Variants in CLDN16 observed in about 807,000 individuals in gnomAD.
The protein encoded by CLDN16 is claudin 16.
Under a neutral mutation model 24.6 loss-of-function variants are expected in CLDN16, and 13 were observed. The ratio of observed to expected loss-of-function variants is 0.53; its 90% confidence interval spans 0.34 to 0.84. The LOEUF (loss-of-function observed/expected upper bound fraction) is 0.84, where lower values mean the gene tolerates loss of function less well. Among genes scored for constraint, CLDN16 ranks in the 40% least tolerant of loss-of-function variants. The pLI, the probability that CLDN16 is intolerant of heterozygous loss-of-function variation, is 0.01. For missense variants in CLDN16, 298 were observed against 292.7 expected (o/e 1.02, Z -0.13); for synonymous variants, 116 against 106.7 (o/e 1.09, Z -0.54).
rs969384621 is a variant in CLDN16, at chr3:190,410,990, C to A, written c.*954C>A. 1 of 152,120 alleles carries A rather than the reference C, an allele frequency of 6.6e-6. No homozygotes were observed. Among genetic ancestry groups the A allele is most frequent in the African/African-American group, 2.4e-5 (1 of 41,432 alleles). The allele number at this position is 152,120 out of a possible 1,614,324, so 9.4% of individuals were successfully genotyped here. On this transcript the variant is annotated 3_prime_UTR_variant, in exon 5 of 5. Coordinates refer to ENST00000264734, the MANE Select transcript of CLDN16 (RefSeq NM_006580.4). ...AAAAAATCAATGTTGCGGCTGGGCA[C>A]GGTAGCTCGCGTCTGTAATCCCCGC...
intron 1 of CLDN16, among the ~76,000 whole-genome samples, chr3:190,346,045 G>A (rs1717543635): frequency 6.6e-6 from 1 of 152,102 alleles, no homozygotes; most frequent in South Asian, 2.1e-4. Context: ...ACATTCAGAA[G>A]TGTGATGGAA....
chr3:190,347,781 G>A (rs1344440765), intron 1 of CLDN16, among the ~76,000 whole-genome samples: 1 of 152,184 alleles, frequency 6.6e-6, no homozygotes, highest in Non-Finnish European at 1.5e-5. Context: ...TTTCTCTGAA[G>A]TGGCGACAAG....
the CLDN16 span, among the ~76,000 whole-genome samples, chr3:190,293,954 A>G: frequency 6.6e-6 from 1 of 152,198 alleles, no homozygotes; most frequent in Non-Finnish European, 1.5e-5. Flanking sequence ...AATACTGAGC[A>G]AGTACTGTAT....
the CLDN16 span, among the ~76,000 whole-genome samples, chr3:190,292,905 A>G: frequency 6.6e-6 from 1 of 152,176 alleles, no homozygotes; most frequent in Admixed American, 6.5e-5. Flanking sequence ...AAACTTTCCC[A>G]CATCTTCCTG....
At chr3:190,295,708 C>T in the CLDN16 span, among the ~76,000 whole-genome samples, 2 of 152,166 alleles carry the variant, frequency 1.3e-5, no homozygotes, top group South Asian at 4.2e-4. Flanking sequence ...TTTTTACAGG[C>T]CTCAATCTAA....
At chr3:190,318,125 G>T (rs748385022), upstream of CLDN16, among the ~76,000 whole-genome samples, 1 of 152,062 alleles carries the variant, frequency 6.6e-6, no homozygotes, top group South Asian at 2.1e-4. Flanking sequence ...CCCTCTTATT[G>T]GTGCATGAGG....
At chr3:190,303,781 G>A in the CLDN16 span, among the ~76,000 whole-genome samples, 5 of 152,138 alleles carry the variant, frequency 3.3e-5, no homozygotes, top group East Asian at 7.7e-4. Flanking sequence ...ATTCTTTGGA[G>A]GTAAATTAAA....
rs572628212 is a variant in CLDN16, at chr3:190,351,881, A to G, written n.122-19012A>G. Among the ~76,000 whole-genome samples the G allele has an allele frequency of 8.5e-5, 13 of 152,244 alleles. No individual in the cohort carries two copies. The East Asian group carries it at 2.5e-3, about 29-fold the overall frequency. On this transcript the variant is annotated intron_variant and non_coding_transcript_variant, in intron 1 of 4. Coordinates refer to the CLDN16 transcript ENST00000468220. Reference sequence around the variant, plus strand: ...CCACTGGGAATTATATTCTCTTTTAATTGTGGAAACATTCAAGAGTATTCA... The same window carrying G: ...CCACTGGGAATTATATTCTCTTTTAGTTGTGGAAACATTCAAGAGTATTCA...
At chr3:190,391,505 T>C (rs781287141) in intron 1 of CLDN16, among the ~76,000 whole-genome samples, 10 of 152,212 alleles carry the variant, frequency 6.6e-5, no homozygotes, top group Non-Finnish European at 1.5e-4. Context: ...CGATGATTAC[T>C]TCCTATCAGG....
intron 1 of CLDN16, among the ~76,000 whole-genome samples, chr3:190,399,508 T>A (rs1718908139): frequency 1.4e-5 from 1 of 70,336 alleles, no homozygotes; most frequent in African/African-American, 6.2e-5. Context: ...AGACTCTGCC[T>A]CAAAAAAAAT....
At chr3:190,342,236 G>A (rs1449198351) in intron 1 of CLDN16, among the ~76,000 whole-genome samples, 1 of 152,112 alleles carries the variant, frequency 6.6e-6, no homozygotes, top group East Asian at 1.9e-4. Flanking sequence ...CTGCTGATAA[G>A]GACATACCTG....
chr3:190,405,651 G>A (rs1204450842), intron 3 of CLDN16, among the ~76,000 whole-genome samples: 1 of 152,016 alleles, frequency 6.6e-6, no homozygotes, highest in African/African-American at 2.4e-5. Flanking sequence ...ATTGTGCCAA[G>A]TCCTATGTTA....
At chr3:190,292,817 A>G in the CLDN16 span, among the ~76,000 whole-genome samples, 1 of 152,238 alleles carries the variant, frequency 6.6e-6, no homozygotes, top group African/African-American at 2.4e-5. Flanking sequence ...ATCTGAGACC[A>G]CCTCAGCTTG....
At chr3:190,357,579 T>C (rs1717802329) in intron 1 of CLDN16, among the ~76,000 whole-genome samples, 1 of 151,924 alleles carries the variant, frequency 6.6e-6, no homozygotes, top group South Asian at 2.1e-4. Flanking sequence ...TAAAGTCCAG[T>C]TCCTCAGTAT....
At chr3:190,401,784 T>A (rs1718968592) in intron 1 of CLDN16, among the ~76,000 whole-genome samples, 1 of 152,132 alleles carries the variant, frequency 6.6e-6, no homozygotes, top group Non-Finnish European at 1.5e-5. Flanking sequence ...CTTTATATAT[T>A]TTATTTATTG....
At chr3:190,386,431 A>C (rs1200504817), upstream of CLDN16, among the ~76,000 whole-genome samples, 1 of 152,164 alleles carries the variant, frequency 6.6e-6, no homozygotes, top group African/African-American at 2.4e-5. Flanking sequence ...AACGAAGGAC[A>C]GTACTGGATC....
chr3:190,358,184 G>A (rs1717816121), intron 1 of CLDN16, among the ~76,000 whole-genome samples: 1 of 151,814 alleles, frequency 6.6e-6, no homozygotes, highest in Non-Finnish European at 1.5e-5. Context: ...TTTGCTTTGT[G>A]ATTTAGGAGA....
intron 1 of CLDN16, among the ~76,000 whole-genome samples, chr3:190,352,416 A>T (rs1717688413): frequency 6.6e-6 from 1 of 152,160 alleles, no homozygotes; most frequent in South Asian, 2.1e-4. Flanking sequence ...AAGCAGAAGG[A>T]TAAACAAGAT....
At chr3:190,317,796 T>G (rs1008507109), upstream of CLDN16, among the ~76,000 whole-genome samples, 1 of 152,226 alleles carries the variant, frequency 6.6e-6, no homozygotes, top group Non-Finnish European at 1.5e-5. Flanking sequence ...GACTCTCAGA[T>G]ACTGTATTCT....
Sources: gnomAD v4.1 joint callset for allele counts (sites outside exome capture counted in the v4.1 genomes callset) on GRCh38, gnomAD v4.1.1 for gene constraint, MANE v1.5 for transcripts, NCBI Gene and HGNC (gene_info 2026-07-23, HGNC 2026-07-21) for gene names.